Variants in UBR1 observed in about 807,000 individuals in gnomAD.
UBR1 encodes the protein E3 ubiquitin-protein ligase UBR1.
Under a neutral mutation model 242.1 loss-of-function variants are expected in UBR1, and 102 were observed. The observed-to-expected ratio is 0.42, with a 90% CI of 0.36 to 0.50. The LOEUF (loss-of-function observed/expected upper bound fraction) is 0.50, where lower values mean the gene tolerates loss of function less well. Ranked by LOEUF, UBR1 falls within the 20% of genes least tolerant of loss-of-function variation. The pLI is 0.01. For missense variants in UBR1, 1,772 were observed against 2,101.8 expected (o/e 0.84, Z 3.07); for synonymous variants, 675 against 684.8 (o/e 0.99, Z 0.22).
In UBR1 at chr15:43,061,975, A is replaced by C. The variant is rs974341246; in HGVS notation, c.799-1861T>G. ...CCTAGGGAAAAAATGAGTTGGCTGT[A>C]AAAAAAAAAATAATAATAACAAGTA... On this transcript the variant is annotated intron_variant, in intron 6 of 46. Coordinates refer to ENST00000290650, the MANE Select transcript of UBR1 (RefSeq NM_174916.3). Among the ~76,000 whole-genome samples the C allele has an allele frequency of 2.8e-5, 4 of 145,244 alleles. No homozygotes were observed. The East Asian group carries it at 7.8e-4, about 28-fold the overall frequency.
chr15:42,943,461 A>G lies in UBR1; in HGVS notation c.*1868T>C, dbSNP rs1410691240. ...AGTGCAAAAATCTGAATCAATCTCA[A>G]TCAGTGGAACGCAATATGAAATGGG... On this transcript the variant is annotated 3_prime_UTR_variant, in exon 47 of 47. Coordinates refer to ENST00000290650, the MANE Select transcript of UBR1 (RefSeq NM_174916.3). The G allele has an allele frequency of 6.5e-6, 1 of 152,726 alleles. No homozygotes were observed. Among genetic ancestry groups the G allele is most frequent in the African/African-American group, 2.4e-5 (1 of 41,578 alleles). 9.5% of individuals were successfully genotyped at this position (152,726 alleles called of 1,614,324 possible).
intron 3 of UBR1, among the ~76,000 whole-genome samples, chr15:43,077,765 T>C (rs1411573691): frequency 6.6e-6 from 1 of 151,966 alleles, no homozygotes; most frequent in African/African-American, 2.4e-5. Flanking sequence ...AAATATCCCA[T>C]AGCAACTAAA....
intron 19 of UBR1, 139 bp downstream of exon 19, chr15:43,036,039 C>G (rs564201831): frequency 7.6e-6 from 5 of 660,268 alleles, no homozygotes; most frequent in Non-Finnish European, 1.3e-5. Flanking sequence ...TGTAACTAAC[C>G]TGCACAATGT....
intron 1 of UBR1, chr15:43,091,854 C>T: frequency 3.2e-6 from 1 of 317,114 alleles, no homozygotes; most frequent in Non-Finnish European, 6.1e-6. Flanking sequence ...ATCACTTGAA[C>T]CCGGGAGGTG....
At chr15:42,954,131 C>T (rs1193547605) in intron 44 of UBR1, among the ~76,000 whole-genome samples, 2 of 152,012 alleles carry the variant, frequency 1.3e-5, no homozygotes, top group Non-Finnish European at 2.9e-5. Flanking sequence ...GAGATTCACC[C>T]ACCTCAGCCT....
At chr15:42,954,890 C>G (rs1408744699) in intron 44 of UBR1, among the ~76,000 whole-genome samples, 1 of 151,990 alleles carries the variant, frequency 6.6e-6, no homozygotes, top group Non-Finnish European at 1.5e-5. Context: ...TTAAACCGGC[C>G]AGGTGCGGTG....
intron 1 of UBR1, among the ~76,000 whole-genome samples, chr15:43,089,486 G>C (rs1044645404): frequency 9.9e-5 from 15 of 152,118 alleles, no homozygotes; most frequent in African/African-American, 3.6e-4. Flanking sequence ...CAGAGCGAGA[G>C]TCCATCTCAA....
rs533766085 is a variant in UBR1, at chr15:43,009,988, C to G, written c.3210-2704G>C. The stretch of plus-strand genomic sequence containing the variant: ...CAGGTTCAAGTGATTCTCCTTGCCT[C>G]GGCCTCTGAAGTAGCTGGGATTACA... On this transcript the variant is annotated intron_variant, in intron 29 of 46. Coordinates refer to ENST00000290650, the MANE Select transcript of UBR1 (RefSeq NM_174916.3). 6.6e-5 allele frequency among the ~76,000 whole-genome samples: 10 copies of G among 152,266 alleles called. No individual in the cohort carries two copies. The South Asian group carries it at 2.1e-3, about 32-fold the overall frequency.
chr15:43,005,511 T>G (rs1166184037), intron 30 of UBR1, among the ~76,000 whole-genome samples: 1 of 148,588 alleles, frequency 6.7e-6, no homozygotes, highest in Non-Finnish European at 1.5e-5. Context: ...GTCTGGGAGG[T>G]GGGGGGGCGC....
At chr15:43,034,410 A>G (rs2033302929) in intron 19 of UBR1, among the ~76,000 whole-genome samples, 1 of 151,954 alleles carries the variant, frequency 6.6e-6, no homozygotes, top group Non-Finnish European at 1.5e-5. Flanking sequence ...ACAGCACTCC[A>G]GCCTGGGCGA....
At chr15:43,016,658 C>A (rs781422602) in intron 28 of UBR1, among the ~76,000 whole-genome samples, 5 of 152,192 alleles carry the variant, frequency 3.3e-5, no homozygotes, top group Non-Finnish European at 7.3e-5. Flanking sequence ...CTCACTGCAA[C>A]CTCCGCCTCC....
chr15:42,961,757 C>G lies in UBR1; in HGVS notation c.4701-1056G>C, dbSNP rs572985734. Among the ~76,000 whole-genome samples the G allele has an allele frequency of 4.0e-5, 6 of 148,954 alleles. No individual in the cohort carries two copies. In the East Asian group the frequency reaches 1.2e-3, roughly 30 times the overall value. On this transcript the variant is annotated intron_variant, in intron 42 of 46. Transcript: ENST00000290650. ...TCTGTGTTCCTCTTTCTATACTTAT[C>G]TTTTTTTTTGTTTTTGAGATGGAGT...
intron 20 of UBR1, among the ~76,000 whole-genome samples, chr15:43,031,896 T>C (rs1308234450): frequency 6.6e-6 from 1 of 152,084 alleles, no homozygotes; most frequent in East Asian, 1.9e-4. Flanking sequence ...TGGCCAGGCG[T>C]GGTGGCGCAC....
chr15:42,987,065 C>T (rs539014109), intron 35 of UBR1, among the ~76,000 whole-genome samples: 8 of 152,350 alleles, frequency 5.3e-5, no homozygotes, highest in Middle Eastern at 3.4e-3. Flanking sequence ...CTCCCATGCC[C>T]CTGCATGGTG....
At chr15:43,078,421 A>T (rs1302442172) in intron 3 of UBR1, among the ~76,000 whole-genome samples, 1 of 152,216 alleles carries the variant, frequency 6.6e-6, no homozygotes, top group Non-Finnish European at 1.5e-5. Context: ...GAAATTACAC[A>T]GAAAATGGAA....
chr15:42,945,557 G>T, intron 46 of UBR1, 87 bp from the exon 47 acceptor site: 1 of 1,529,606 alleles, frequency 6.5e-7, no homozygotes, highest in Non-Finnish European at 8.9e-7. Context: ...GCACTCTTGA[G>T]ATGTTCCTGG....
intron 1 of UBR1, among the ~76,000 whole-genome samples, chr15:43,088,488 GCTTT>G (rs532963451): frequency 1.4e-3 from 210 of 151,918 alleles, no homozygotes; most frequent in Non-Finnish European, 1.5e-3. Flanking sequence ...ACACATTTGG[GCTTT>G]CTTTCTTTCT....
intron 39 of UBR1, among the ~76,000 whole-genome samples, chr15:42,973,810 A>G (rs2032244054): frequency 6.7e-6 from 1 of 149,914 alleles, no homozygotes; most frequent in African/African-American, 2.5e-5. Flanking sequence ...CTCACAGATT[A>G]TGCCTTTGGT....
intron 11 of UBR1, among the ~76,000 whole-genome samples, chr15:43,055,640 C>T (rs539968012): frequency 3.4e-4 from 52 of 152,126 alleles, no homozygotes; most frequent in African/African-American, 1.2e-3. Context: ...TAGGGCTGGG[C>T]GCGGTGGCTC....
Sources: gnomAD v4.1 joint callset for allele counts (sites outside exome capture counted in the v4.1 genomes callset) on GRCh38, gnomAD v4.1.1 for gene constraint, MANE v1.5 for transcripts, NCBI Gene and HGNC (gene_info 2026-07-23, HGNC 2026-07-21) for gene names.